The following XYLB variants were observed in gnomAD, a reference collection of about 807,000 sequenced individuals.
XYLB encodes xylulose kinase.
In XYLB, 62 loss-of-function variants were observed where a neutral mutation model predicts 78.7. That is an observed-to-expected ratio of 0.79 (90% confidence interval 0.64 to 0.97). The LOEUF (loss-of-function observed/expected upper bound fraction) is 0.97, where lower values mean the gene tolerates loss of function less well. Ranked by LOEUF, XYLB falls within the 50% of genes least tolerant of loss-of-function variation. The pLI is 0.00. For synonymous variants in XYLB, 245 were observed against 247.4 expected (o/e 0.99, Z 0.09); for missense variants, 687 against 676.8 (o/e 1.02, Z -0.17).
chr3:38,349,163 C>A (rs1281101585), intron 2 of XYLB, among the ~76,000 whole-genome samples: 1 of 152,220 alleles, frequency 6.6e-6, no homozygotes, highest in African/African-American at 2.4e-5. Context: ...GATGGAAGAG[C>A]ATTCCAGGCA....
At chr3:38,364,370 G>C (rs181029224) in intron 4 of XYLB, among the ~76,000 whole-genome samples, 71 of 151,752 alleles carry the variant, frequency 4.7e-4, no homozygotes, top group African/African-American at 1.6e-3. Context: ...TACCTTCCCC[G>C]TGACTCCCAC....
intron 18 of XYLB, among the ~76,000 whole-genome samples, chr3:38,405,376 A>AAC (rs1269180994): frequency 6.7e-5 from 10 of 149,962 alleles, no homozygotes; most frequent in Non-Finnish European, 1.0e-4. Context: ...CTCTTTAAAA[A>AAC]AAAAAAAAAA....
At chr3:38,432,076 T>C in the XYLB span, among the ~76,000 whole-genome samples, 1 of 151,926 alleles carries the variant, frequency 6.6e-6, no homozygotes, top group Non-Finnish European at 1.5e-5. Context: ...AAGATTTGGG[T>C]GGCGTCACAG....
At chr3:38,346,973 G>C in intron 1 of XYLB, 48 bp downstream of exon 1, 1 of 1,406,390 alleles carries the variant, frequency 7.1e-7, no homozygotes, top group Non-Finnish European at 9.3e-7. Flanking sequence ...CTCCGCTTCG[G>C]TGGGGGTAGG....
the XYLB span, among the ~76,000 whole-genome samples, chr3:38,438,960 C>T: frequency 2.6e-5 from 4 of 152,086 alleles, no homozygotes; most frequent in Non-Finnish European, 5.9e-5. Context: ...TTTTACAAAC[C>T]TCTAGGTAGC....
chr3:38,389,134 G>C (rs1306619291), intron 15 of XYLB, among the ~76,000 whole-genome samples: 1 of 146,814 alleles, frequency 6.8e-6, no homozygotes, highest in Non-Finnish European at 1.5e-5. Context: ...AGATTAGGGA[G>C]TGGTGATGAC....
intron 17 of XYLB, among the ~76,000 whole-genome samples, chr3:38,399,129 G>GT: frequency 6.6e-6 from 1 of 151,994 alleles, no homozygotes; most frequent in Admixed American, 6.6e-5. Context: ...TTTAAGACAA[G>GT]GTCTCTGTTG....
intron 12 of XYLB, 144 bp downstream of exon 12, chr3:38,375,403 C>T (rs1706801459): frequency 1.4e-6 from 1 of 700,402 alleles, no homozygotes; most frequent in Non-Finnish European, 2.4e-6. Flanking sequence ...AACTGAGACC[C>T]CCAAGGACTC....
In XYLB at chr3:38,403,755, G is replaced by T. The variant is rs192584150; in HGVS notation, c.1533+2770G>T. Among the ~76,000 whole-genome samples the T allele has an allele frequency of 2.0e-3, 305 of 152,242 alleles. 6 individuals carry two copies. Among genetic ancestry groups the T allele is most frequent in the Non-Finnish European group, 3.7e-4 (25 of 68,012 alleles). ...GATAACTGGGGAAAGTTTTAGGGCA[G>T]CACAGCAGCGTCTGCCTCATCTAGA... On this transcript the variant is annotated intron_variant, in intron 18 of 18. Coordinates refer to ENST00000207870, the MANE Select transcript of XYLB (RefSeq NM_005108.4).
chr3:38,362,857 A>C (rs1706047348), intron 3 of XYLB, 80 bp from the exon 4 acceptor site: 1 of 1,236,132 alleles, frequency 8.1e-7, no homozygotes, highest in South Asian at 2.1e-5. Flanking sequence ...AATGGCAGGC[A>C]CTTGCGTTTC....
chr3:38,444,668 T>C, the XYLB span, among the ~76,000 whole-genome samples: 59 of 152,176 alleles, frequency 3.9e-4, 1 homozygote, highest in Admixed American at 3.9e-3. Flanking sequence ...GAGTCACCTC[T>C]TTATCAGGGT....
intron 8 of XYLB, among the ~76,000 whole-genome samples, chr3:38,368,716 CTT>C (rs758603183): frequency 2.0e-5 from 3 of 152,190 alleles, no homozygotes; most frequent in Non-Finnish European, 4.4e-5. Flanking sequence ...GCTGAGGAGT[CTT>C]TTATACCCTA....
intron 15 of XYLB, among the ~76,000 whole-genome samples, chr3:38,393,214 G>A (rs775686894): frequency 6.6e-5 from 10 of 151,850 alleles, no homozygotes; most frequent in Admixed American, 3.3e-4. Flanking sequence ...GCAGCGGCGC[G>A]ATCTCAGCTC....
intron 15 of XYLB, among the ~76,000 whole-genome samples, chr3:38,389,837 G>A (rs1707575612): frequency 6.6e-6 from 1 of 152,132 alleles, no homozygotes; most frequent in South Asian, 2.1e-4. Flanking sequence ...CATTTGGTGG[G>A]TAGGGAGGAC....
intron 15 of XYLB, among the ~76,000 whole-genome samples, chr3:38,387,123 A>C (rs1270820521): frequency 1.3e-5 from 2 of 152,034 alleles, no homozygotes; most frequent in African/African-American, 4.8e-5. Flanking sequence ...TTTAATTATT[A>C]TTTTGTATGT....
the XYLB span, among the ~76,000 whole-genome samples, chr3:38,440,896 G>A: frequency 5.4e-5 from 8 of 147,214 alleles, no homozygotes; most frequent in East Asian, 1.4e-3. Flanking sequence ...CTCCCTTTTT[G>A]TCTCTCTGTC....
chr3:38,355,493 A>G (rs1418045814), intron 2 of XYLB, among the ~76,000 whole-genome samples: 1 of 152,224 alleles, frequency 6.6e-6, no homozygotes, highest in African/African-American at 2.4e-5. Flanking sequence ...TTTATTTCTA[A>G]CTTTTTTATC....
intron 2 of XYLB, chr3:38,355,763 G>T: frequency 1.4e-6 from 1 of 703,586 alleles, no homozygotes; most frequent in Non-Finnish European, 2.6e-6. Flanking sequence ...AAGCACATGT[G>T]GAACATGACA....
At chr3:38,364,255 G>T (rs539113200) in intron 4 of XYLB, among the ~76,000 whole-genome samples, 1 of 151,640 alleles carries the variant, frequency 6.6e-6, no homozygotes, top group Non-Finnish European at 1.5e-5. Flanking sequence ...GGGTCCTCAC[G>T]TCCCACTGAT....
Sources: allele counts gnomAD v4.1 joint callset (sites outside exome capture counted in the v4.1 genomes callset), GRCh38; gene constraint gnomAD v4.1.1; transcripts MANE v1.5; gene names NCBI Gene and HGNC (gene_info 2026-07-23, HGNC 2026-07-21).